TENM2: variants seen among roughly 807,000 people sequenced by gnomAD.
The protein encoded by TENM2 is teneurin transmembrane protein 2.
In TENM2, 52 loss-of-function variants were observed where a neutral mutation model predicts 245.2. The observed-to-expected ratio is 0.21, with a 90% CI of 0.17 to 0.27. The LOEUF (loss-of-function observed/expected upper bound fraction) is 0.27, where lower values mean the gene tolerates loss of function less well. Ranked by LOEUF, TENM2 falls within the 10% of genes least tolerant of loss-of-function variation. The probability of loss-of-function intolerance (pLI) is 1.00; values close to 1 mark genes in which losing one functional copy is unlikely to be tolerated. For synonymous variants in TENM2, 1,363 were observed against 1,438.9 expected (o/e 0.95, Z 1.19); for missense variants, 3,046 against 3,666.8 (o/e 0.83, Z 4.37).
At chr5:168,215,996 A>T (rs2152561612) in intron 21 of TENM2, among the ~76,000 whole-genome samples, 1 of 152,356 alleles carries the variant, frequency 6.6e-6, no homozygotes, top group Middle Eastern at 3.4e-3. Context: ...GGGGTCCAGG[A>T]TGGAGGAGTT....
At chr5:167,821,167 ATTTGTTTTGT>A (rs930818475) in intron 2 of TENM2, 1 of 152,274 alleles carries the variant, frequency 6.6e-6, no homozygotes, top group Non-Finnish European at 1.5e-5. Flanking sequence ...CTCAGGGAAC[ATTTGTTTTGT>A]TTTGTTTTGT....
intron 3 of TENM2, among the ~76,000 whole-genome samples, chr5:167,916,986 T>C (rs908541157): frequency 3.2e-4 from 49 of 152,232 alleles, no homozygotes; most frequent in Admixed American, 1.6e-3. Flanking sequence ...TATGTAACCA[T>C]CACCCAGGGC....
At chr5:167,445,454 G>A (rs1765154470) in intron 2 of TENM2, among the ~76,000 whole-genome samples, 1 of 151,592 alleles carries the variant, frequency 6.6e-6, no homozygotes, top group South Asian at 2.1e-4. Context: ...TGCAGCCCAG[G>A]AAGGGAAACA....
chr5:167,186,929 C>G, the TENM2 span, among the ~76,000 whole-genome samples: 1 of 152,180 alleles, frequency 6.6e-6, no homozygotes, highest in African/African-American at 2.4e-5. Context: ...TTGAACATTT[C>G]TGGGAGAACT....
chr5:167,702,552 GTATATA>G, intron 2 of TENM2, among the ~76,000 whole-genome samples: 1 of 136,780 alleles, frequency 7.3e-6, no homozygotes, highest in Middle Eastern at 3.7e-3. Context: ...GTGTGTGTGT[GTATATA>G]TATATATATA....
intron 8 of TENM2, among the ~76,000 whole-genome samples, chr5:168,096,139 TCC>T (rs1322982978): frequency 6.6e-6 from 1 of 152,174 alleles, no homozygotes; most frequent in Non-Finnish European, 1.5e-5. Flanking sequence ...TATCGCTGTC[TCC>T]CAAGGCTGTT....
intron 12 of TENM2, among the ~76,000 whole-genome samples, chr5:168,132,547 T>G (rs1231466456): frequency 6.6e-6 from 1 of 152,214 alleles, no homozygotes. Context: ...ACTGGTTTGA[T>G]GGACTAGCTT....
the TENM2 span, among the ~76,000 whole-genome samples, chr5:167,117,328 C>A: frequency 3.3e-5 from 5 of 152,050 alleles, no homozygotes; most frequent in African/African-American, 9.7e-5. Flanking sequence ...ACGGTGAAAC[C>A]CCATCTCTAC....
intron 2 of TENM2, among the ~76,000 whole-genome samples, chr5:167,723,277 T>C (rs747262407): frequency 2.6e-4 from 40 of 152,176 alleles, no homozygotes; most frequent in Non-Finnish European, 4.6e-4. Context: ...ACGCCCAGCC[T>C]GATTTGGCCC....
intron 2 of TENM2, among the ~76,000 whole-genome samples, chr5:167,389,196 A>G (rs10055654): frequency 0.029 from 4,311 of 151,186 alleles, 212 homozygotes; most frequent in African/African-American, 0.099. Flanking sequence ...TGTATTAACT[A>G]TATAACATAG....
intron 2 of TENM2, among the ~76,000 whole-genome samples, chr5:167,453,258 T>C (rs1292576475): frequency 3.9e-5 from 6 of 152,222 alleles, no homozygotes; most frequent in East Asian, 1.9e-4. Flanking sequence ...TTCCAGTTCA[T>C]GTAGAGACTC....
At chr5:167,890,984 A>G (rs1002986432) in intron 3 of TENM2, among the ~76,000 whole-genome samples, 8 of 152,218 alleles carry the variant, frequency 5.3e-5, no homozygotes, top group African/African-American at 1.4e-4. Flanking sequence ...TTTGAGGGAT[A>G]AAAATTTCAA....
intron 6 of TENM2, among the ~76,000 whole-genome samples, chr5:168,060,305 T>C (rs576210123): frequency 4.6e-5 from 7 of 151,894 alleles, no homozygotes; most frequent in Admixed American, 2.6e-4. Flanking sequence ...CCCAGCTAAT[T>C]TGGGGGGCTG....
At chr5:167,023,736 T>C in the TENM2 span, among the ~76,000 whole-genome samples, 1 of 152,218 alleles carries the variant, frequency 6.6e-6, no homozygotes, top group Non-Finnish European at 1.5e-5. Context: ...AATGCATCTA[T>C]ATGTCCAAGA....
upstream of TENM2, among the ~76,000 whole-genome samples, chr5:167,282,274 A>C (rs550420741): frequency 6.6e-6 from 1 of 152,260 alleles, no homozygotes; most frequent in East Asian, 1.9e-4. Flanking sequence ...GTGGCTCCTC[A>C]GTGTTGGTAC....
chr5:167,866,018 C>G (rs1772290554), intron 2 of TENM2, among the ~76,000 whole-genome samples: 1 of 152,178 alleles, frequency 6.6e-6, no homozygotes, highest in Non-Finnish European at 1.5e-5. Context: ...TAGTGTATAA[C>G]CTGTACCCAA....
chr5:167,385,017 C>A (rs890307651), intron 2 of TENM2, among the ~76,000 whole-genome samples: 1 of 152,158 alleles, frequency 6.6e-6, no homozygotes, highest in East Asian at 1.9e-4. Context: ...ATCTATTCTG[C>A]TTACATGTAG....
chr5:167,449,235 A>T (rs1166165985), intron 2 of TENM2, among the ~76,000 whole-genome samples: 1 of 152,160 alleles, frequency 6.6e-6, no homozygotes, highest in Non-Finnish European at 1.5e-5. Flanking sequence ...GATGTTTCAG[A>T]CAACAATGAA....
At chr5:167,968,691 G>A (rs534183171) in intron 4 of TENM2, among the ~76,000 whole-genome samples, 5 of 152,192 alleles carry the variant, frequency 3.3e-5, no homozygotes, top group East Asian at 1.9e-4. Flanking sequence ...AAGAATTTTC[G>A]ATGATCTTAG....
Sources: allele counts gnomAD v4.1 joint callset (sites outside exome capture counted in the v4.1 genomes callset), GRCh38; gene constraint gnomAD v4.1.1; transcripts MANE v1.5; gene names NCBI Gene and HGNC (gene_info 2026-07-23, HGNC 2026-07-21).